Variants in CEP44 observed in about 807,000 individuals in gnomAD.
CEP44 encodes centrosomal protein 44, also known as centrosomal protein of 44 kDa.
Under a neutral mutation model 46.7 loss-of-function variants are expected in CEP44, and 45 were observed. The observed-to-expected ratio is 0.96, with a 90% CI of 0.76 to 1.24. The LOEUF (loss-of-function observed/expected upper bound fraction) is 1.24, where lower values mean the gene tolerates loss of function less well. Among genes scored for constraint, CEP44 ranks in the 50% most tolerant of loss-of-function variants. The pLI, the probability that CEP44 is intolerant of heterozygous loss-of-function variation, is 0.00. For missense variants in CEP44, 475 were observed against 459.7 expected, an observed-to-expected ratio of 1.03 and a Z score of -0.30; for synonymous variants, 142 against 146.0, an observed-to-expected ratio of 0.97 and a Z score of 0.20.
In CEP44 at chr4:174,286,674, G is replaced by C. The variant is rs962752753; in HGVS notation, c.-148+2731G>C. Among the ~76,000 whole-genome samples, 1 of 152,076 alleles carries C rather than the reference G, an allele frequency of 6.6e-6. No individual in the cohort carries two copies. Among genetic ancestry groups the C allele is most frequent in the African/African-American group, 2.4e-5 (1 of 41,402 alleles). On this transcript the variant is annotated intron_variant, in intron 1 of 11. Transcript: ENST00000503780. The surrounding 1 kb of genome is among the most constrained non-coding windows in gnomAD (Gnocchi z 5.2). ...ATACCTATTTATGACTCTTCTTTGG[G>C]AAAAATCTCCTTTGATAATCTAATG... is the stretch of plus-strand genomic sequence containing the variant.
intron 2 of CEP44, among the ~76,000 whole-genome samples, chr4:174,298,548 G>A (rs1178157354): frequency 6.6e-6 from 1 of 152,116 alleles, no homozygotes; most frequent in South Asian, 2.1e-4. Context: ...CATTTAATCT[G>A]TCATATTTAT....
downstream of CEP44, among the ~76,000 whole-genome samples, chr4:174,321,266 T>C (rs769620956): frequency 8.5e-5 from 13 of 152,202 alleles, no homozygotes; most frequent in Non-Finnish European, 1.2e-4. Flanking sequence ...ATCTAAGCCT[T>C]CAAATTCAGA....
rs567876810 is a variant in CEP44 at position 174,300,043 on chromosome 4, C to T, written c.89+833C>T. On this transcript the variant is annotated intron_variant, in intron 3 of 11. Transcript: ENST00000503780. The stretch of plus-strand genomic sequence containing the variant: ...CCCCCATCTAGAATTATGCATGGCA[C>T]ATATTAGGAGTTGATTAGACATTTA... Among the ~76,000 whole-genome samples, 125 of 152,198 alleles carry T rather than the reference C, an allele frequency of 8.2e-4. 1 individual carries two copies. Among genetic ancestry groups the T allele is most frequent in the African/African-American group, 2.9e-3 (119 of 41,544 alleles).
In CEP44 at chr4:174,285,007, T is replaced by G. The variant is rs115600102; in HGVS notation, c.-148+1064T>G. On this transcript the variant is annotated intron_variant, in intron 1 of 11. Coordinates refer to ENST00000503780, the MANE Select transcript of CEP44 (RefSeq NM_001040157.3). ...TAACAGCAATGAGATTGAGCGATGT[T>G]GAAAATCCTAAACTGCTAGAGTACA... is the stretch of plus-strand genomic sequence containing the variant. 8.4e-3 allele frequency among the ~76,000 whole-genome samples: 1,285 copies of G among 152,314 alleles called. 20 individuals are homozygous for G. The highest frequency in any genetic ancestry group is 0.03 in the African/African-American group (1,235 of 41,552).
In CEP44 at chr4:174,317,324, T is replaced by C. The variant is rs1741849155; in HGVS notation, c.1125-11T>C. The stretch of plus-strand genomic sequence containing the variant: ...ATTGATTTACTTAATATATTATTTA[T>C]TATATTTCAGGTTTGAAGAAACTGC... On this transcript the variant is annotated splice_polypyrimidine_tract_variant and intron_variant, in intron 11 of 11. Coordinates refer to ENST00000503780, the MANE Select transcript of CEP44 (RefSeq NM_001040157.3). 8.7e-7 allele frequency: 1 copy of C among 1,144,672 alleles called. No individual in the cohort carries two copies. The highest frequency in any genetic ancestry group is 2.1e-5 in the South Asian group (1 of 47,664). The allele number at this position is 1,144,672 out of a possible 1,614,324, so 70.9% of individuals were successfully genotyped here. A position where few individuals can be genotyped will look rare whatever the true frequency, so the allele number is the denominator to read the frequency against.
chr4:174,317,993 A>G lies in CEP44; in HGVS notation c.*610A>G, dbSNP rs1354671846. On this transcript the variant is annotated 3_prime_UTR_variant, in exon 12 of 12. Transcript: ENST00000503780. ...CTGGAGGACTATGGTCCTCAAGTTT[A>G]GACCAAGAGGACTATGGTCTCAAGG... is the stretch of plus-strand genomic sequence containing the variant. 35 of 984,934 alleles carry G rather than the reference A, an allele frequency of 3.6e-5. No individual in the cohort carries two copies. Among genetic ancestry groups the G allele is most frequent in the Non-Finnish European group, 4.2e-5 (35 of 829,574 alleles). The allele number at this position is 984,934 out of a possible 1,614,324, so 61.0% of individuals were successfully genotyped here.
rs1249852826 is a variant in CEP44 at position 174,309,814 on chromosome 4, GTTTAA to G, written c.679-32_679-28del. On this transcript the variant is annotated intron_variant, in intron 7 of 11. Transcript: ENST00000503780. This position sits in a 1 kb window ranked among gnomAD's most constrained non-coding sequence, Gnocchi z 5.3. The stretch of plus-strand genomic sequence containing the variant: ...ATTAATTTTAAAGAAATTTCAGTTT[GTTTAA>G]TTTTATTTTTAATCTCTCTAACCTT... 1 of 1,383,670 alleles carries G rather than the reference GTTTAA, an allele frequency of 7.2e-7. No individual in the cohort carries two copies. Among genetic ancestry groups the G allele is most frequent in the Non-Finnish European group, 1.0e-6 (1 of 998,048 alleles). 85.7% of individuals were successfully genotyped at this position (1,383,670 alleles called of 1,614,324 possible). A position where few individuals can be genotyped will look rare whatever the true frequency, so the allele number is the denominator to read the frequency against.
rs1270125855 is a variant in CEP44, at chr4:174,312,543, A to G, written c.961+1685A>G. Among the ~76,000 whole-genome samples, 2 of 152,182 alleles carry G rather than the reference A, an allele frequency of 1.3e-5. No individual in the cohort carries two copies. Among genetic ancestry groups the G allele is most frequent in the Admixed American group, 6.5e-5 (1 of 15,270 alleles). On this transcript the variant is annotated intron_variant, in intron 9 of 11. Transcript: ENST00000503780. This position sits in a 1 kb window ranked among gnomAD's most constrained non-coding sequence, Gnocchi z 4.5. ...GGTCTTGAACTCCTGGGCTCAAGCA[A>G]TCCTCCCATCTCTGCTTCTCAAAGT...
chr4:174,297,651 A>AGTGTGT lies in CEP44; in HGVS notation c.-147-286_-147-281dup, dbSNP rs70947423. On this transcript the variant is annotated intron_variant, in intron 1 of 11. Coordinates refer to ENST00000503780, the MANE Select transcript of CEP44 (RefSeq NM_001040157.3). The surrounding 1 kb of genome is among the most constrained non-coding windows in gnomAD (Gnocchi z 4.3). ...CTGAGATATAGGAAGAAACTTTATT[A>AGTGTGT]GTGTGTGTGTGTGTGTGTGTGTGTG... 0.03 allele frequency among the ~76,000 whole-genome samples: 4,506 copies of AGTGTGT among 149,038 alleles called. 131 individuals carry two copies. The highest frequency in any genetic ancestry group is 0.19 in the East Asian group (936 of 4,988).
In CEP44 at chr4:174,288,018, A is replaced by T. The variant is rs1737758304; in HGVS notation, c.-148+4075A>T. Among the ~76,000 whole-genome samples the T allele has an allele frequency of 6.6e-6, 1 of 152,198 alleles. No homozygotes were observed. The highest frequency in any genetic ancestry group is 2.4e-5 in the African/African-American group (1 of 41,460). ...GTCCAGGCCCTTAATTAAGTAGATAACACACTCAGAAGGAGAAAATTTGGG... is the reference window on the plus strand; with the variant it reads ...GTCCAGGCCCTTAATTAAGTAGATATCACACTCAGAAGGAGAAAATTTGGG... On this transcript the variant is annotated intron_variant, in intron 1 of 11. Coordinates refer to ENST00000503780, the MANE Select transcript of CEP44 (RefSeq NM_001040157.3). The surrounding 1 kb of genome is among the most constrained non-coding windows in gnomAD (Gnocchi z 4.6).
At chr4:174,283,730 A>C, upstream of CEP44, 1 of 397,622 alleles carries the variant, frequency 2.5e-6, no homozygotes, top group East Asian at 3.6e-5. This position sits in a 1 kb window ranked among gnomAD's most constrained non-coding sequence, Gnocchi z 6.7. Context: ...GTTGTTTACG[A>C]TTCGCTATAG....
intron 1 of CEP44, among the ~76,000 whole-genome samples, chr4:174,294,853 G>A (rs1738722112): frequency 7.3e-6 from 1 of 136,508 alleles, no homozygotes; most frequent in East Asian, 2.4e-4. Context: ...CGGGCGGGGG[G>A]CTGATCCCCC....
At position 174,319,385 on chromosome 4, in the gene CEP44, T is replaced by C; in HGVS notation, c.*2002T>C. ...CACCACCTTGTGGTTAACATGCCAG[T>C]ATTTTACCTTTTGTTAAAACAAGTG... On this transcript the variant is annotated 3_prime_UTR_variant, in exon 12 of 12. Transcript: ENST00000503780. The C allele has an allele frequency of 1.0e-6, 1 of 985,184 alleles. No homozygotes were observed. 61.0% of individuals were successfully genotyped at this position (985,184 alleles called of 1,614,324 possible).
chr4:174,323,799 G>A (rs1025628067), downstream of CEP44, among the ~76,000 whole-genome samples: 3 of 152,056 alleles, frequency 2.0e-5, no homozygotes, highest in Admixed American at 2.0e-4. Flanking sequence ...GGCACTCATT[G>A]GGCATTCATA....
Position 174,297,509 on chromosome 4 carries a change from G to A in CEP44, c.-147-457G>A, listed in dbSNP as rs945339946. Reference sequence around the variant, plus strand: ...GGCAAGACCTGCCCTTTTCAATGGGGATTTTCCTCAAATGTCAGAAATGTG... The same window carrying A: ...GGCAAGACCTGCCCTTTTCAATGGGAATTTTCCTCAAATGTCAGAAATGTG... On this transcript the variant is annotated intron_variant, in intron 1 of 11. Transcript: ENST00000503780. The surrounding 1 kb of genome is among the most constrained non-coding windows in gnomAD (Gnocchi z 4.3). Among the ~76,000 whole-genome samples the A allele has an allele frequency of 6.6e-6, 1 of 152,126 alleles. No homozygotes were observed. Among genetic ancestry groups the A allele is most frequent in the Non-Finnish European group, 1.5e-5 (1 of 68,020 alleles).
rs1384629338 is a variant in CEP44, at chr4:174,301,666, A to G, written c.90-373A>G. On this transcript the variant is annotated intron_variant, in intron 3 of 11. Transcript: ENST00000503780. The surrounding 1 kb of genome is among the most constrained non-coding windows in gnomAD (Gnocchi z 4.3). Reference sequence around the variant, plus strand: ...TTTGTGGTAGAGAGCAAAGGAGGTAATAGAACAAGTGTTTGCAAAACCATA... The same window carrying G: ...TTTGTGGTAGAGAGCAAAGGAGGTAGTAGAACAAGTGTTTGCAAAACCATA... 6.6e-6 allele frequency among the ~76,000 whole-genome samples: 1 copy of G among 152,184 alleles called. No homozygotes were observed. The highest frequency in any genetic ancestry group is 2.4e-5 in the African/African-American group (1 of 41,458).
chr4:174,313,536 G>T (rs1386060047), intron 9 of CEP44, among the ~76,000 whole-genome samples: 2 of 152,102 alleles, frequency 1.3e-5, no homozygotes, highest in African/African-American at 4.8e-5. Flanking sequence ...AAGATTTTCA[G>T]CAAGGCTAAT....
chr4:174,318,618 A>T lies in CEP44; in HGVS notation c.*1235A>T. On this transcript the variant is annotated 3_prime_UTR_variant, in exon 12 of 12. Coordinates refer to ENST00000503780, the MANE Select transcript of CEP44 (RefSeq NM_001040157.3). The stretch of plus-strand genomic sequence containing the variant: ...GGAAGGAAAATTAGTATTTTTTTTA[A>T]TATTATATGGACCATCTGATTATAT... 2 of 669,956 alleles carry T rather than the reference A, an allele frequency of 3.0e-6. No individual in the cohort carries two copies. Among genetic ancestry groups the T allele is most frequent in the Non-Finnish European group, 3.7e-6 (2 of 543,044 alleles). 41.5% of individuals were successfully genotyped at this position (669,956 alleles called of 1,614,324 possible).
In CEP44 at chr4:174,288,375, TC is replaced by T. The variant is rs1471368419; in HGVS notation, c.-148+4433del. On this transcript the variant is annotated intron_variant, in intron 1 of 11. Coordinates refer to ENST00000503780, the MANE Select transcript of CEP44 (RefSeq NM_001040157.3). The surrounding 1 kb of genome is among the most constrained non-coding windows in gnomAD (Gnocchi z 4.6). ...ACAGACACTGGGTTGTACCTGCAGA[TC>T]TTATTTATTTTGCCTAACTGAAACT... Among the ~76,000 whole-genome samples the T allele has an allele frequency of 1.3e-5, 2 of 152,146 alleles. No homozygotes were observed. The highest frequency in any genetic ancestry group is 2.9e-5 in the Non-Finnish European group (2 of 68,012).
Sources: allele counts gnomAD v4.1 joint callset (sites outside exome capture counted in the v4.1 genomes callset), GRCh38; gene constraint gnomAD v4.1.1; non-coding constraint Gnocchi (gnomAD v3.1); transcripts MANE v1.5; gene names NCBI Gene and HGNC (gene_info 2026-07-23, HGNC 2026-07-21).